Variants in FRMD1 observed in about 807,000 individuals in gnomAD.
The protein encoded by FRMD1 is FERM domain-containing protein 1.
In FRMD1, 51 loss-of-function variants were observed where a neutral mutation model predicts 54.9. The observed-to-expected ratio is 0.93, with a 90% CI of 0.74 to 1.17. The LOEUF is 1.17. Ranked by LOEUF, FRMD1 falls within the 50% of genes most tolerant of loss-of-function variation. The pLI, the probability that FRMD1 is intolerant of heterozygous loss-of-function variation, is 0.00. For missense variants in FRMD1, 729 were observed against 743.0 expected (o/e 0.98, Z 0.22); for synonymous variants, 324 against 306.4 (o/e 1.06, Z -0.60).
chr6:168,092,209 C>T (rs950489895), intron 1 of FRMD1, among the ~76,000 whole-genome samples: 2 of 152,252 alleles, frequency 1.3e-5, no homozygotes, highest in African/African-American at 4.8e-5. Context: ...CTTCCTTATT[C>T]ATCTATCATG....
At chr6:168,068,896 C>T (rs1800167104) in intron 2 of FRMD1, among the ~76,000 whole-genome samples, 1 of 152,248 alleles carries the variant, frequency 6.6e-6, no homozygotes, top group South Asian at 2.1e-4. Context: ...GGGTGCCTGG[C>T]TCAGCCCCTC....
chr6:168,090,994 C>A (rs1801006949), intron 1 of FRMD1, among the ~76,000 whole-genome samples: 1 of 152,208 alleles, frequency 6.6e-6, no homozygotes, highest in South Asian at 2.1e-4. Context: ...ACTGGCCACC[C>A]AAGCGGACTC....
upstream of FRMD1, among the ~76,000 whole-genome samples, chr6:168,085,552 T>C (rs941379928): frequency 2.6e-5 from 4 of 152,224 alleles, no homozygotes; most frequent in Admixed American, 6.5e-5. Flanking sequence ...GCCACTGGGC[T>C]CCAGGGGGTG....
chr6:168,074,770 G>C (rs1800494883), intron 2 of FRMD1, among the ~76,000 whole-genome samples: 2 of 129,036 alleles, frequency 1.5e-5, no homozygotes, highest in African/African-American at 5.9e-5. Flanking sequence ...GCATGCATGT[G>C]TACATGTGTG....
At chr6:168,075,722 G>A (rs776490983) in intron 1 of FRMD1, 34 of 1,526,930 alleles carry the variant, frequency 2.2e-5, no homozygotes, top group South Asian at 9.6e-5. Flanking sequence ...CCATGAGCGC[G>A]AGCATCGGTG....
intron 1 of FRMD1, among the ~76,000 whole-genome samples, chr6:168,086,782 C>T (rs111677415): frequency 5.4e-4 from 83 of 152,356 alleles, no homozygotes; most frequent in Middle Eastern, 6.8e-3. Context: ...CCTGTCTCCC[C>T]ACACTGGATG....
rs61741360 is a variant in FRMD1 at position 168,057,275 on chromosome 6, A to C, written c.1472T>G (p.Leu491Arg). The stretch of plus-strand genomic sequence containing the variant: ...CGCTGGGTGCAGGGCCAGCTGGTGC[A>C]GCTGCATGTCGTCCAGGCCATGGCT... Reference protein sequence around the residue: ...QHSHGLDDMQLHQLALHPAPT... With the variant: ...QHSHGLDDMQRHQLALHPAPT... The change falls in exon 11 of 11, where the codon CTG becomes CGG. Residue 491 changes from leucine to arginine, a missense_variant. By Grantham distance (102) the Leu-to-Arg change is moderately radical (BLOSUM62 -2). Coordinates refer to ENST00000283309, the MANE Select transcript of FRMD1 (RefSeq NM_024919.6). 7 of 1,612,312 alleles carry C rather than the reference A, an allele frequency of 4.3e-6. No individual in the cohort carries two copies. The highest frequency in any genetic ancestry group is 5.9e-6 in the Non-Finnish European group (7 of 1,179,652).
intron 4 of FRMD1, chr6:168,065,605 C>T: frequency 2.0e-6 from 2 of 986,686 alleles, no homozygotes; most frequent in Non-Finnish European, 1.2e-6. Flanking sequence ...TCCATCAACC[C>T]AACACTTTCC....
At chr6:168,067,498 G>T in intron 2 of FRMD1, 52 bp from the exon 3 acceptor site, 2 of 1,152,312 alleles carry the variant, frequency 1.7e-6, no homozygotes, top group Non-Finnish European at 2.6e-6. Flanking sequence ...CTTCTCAGGT[G>T]TCACCGTGTG....
In FRMD1 at chr6:168,064,953, GC is replaced by G. The variant is rs768026614; in HGVS notation, c.565del (p.Ala189ArgfsTer52). ...EEAYFLLAAC[A>X]LQADLGEHRE... The stretch of plus-strand genomic sequence containing the variant: ...GTGCTCGCCCAGGTCAGCCTGCAGC[GC>G]GCAGGCAGCCAGCAGGAAGTAGGCT... On this transcript the variant is annotated frameshift_variant, in exon 5 of 11. Coordinates refer to ENST00000283309, the MANE Select transcript of FRMD1 (RefSeq NM_024919.6). LOFTEE classifies it high-confidence loss of function. The G allele has an allele frequency of 8.1e-6, 13 of 1,611,474 alleles. No individual in the cohort carries two copies. The Admixed American group carries it at 2.2e-4, about 27-fold the overall frequency.
chr6:168,079,119 G>T lies in FRMD1; in HGVS notation c.-25C>A, dbSNP rs760410858. 1.9e-6 allele frequency: 3 copies of T among 1,568,720 alleles called. No individual in the cohort carries two copies. The Admixed American group carries it at 5.3e-5, about 28-fold the overall frequency. ...TGCTGTCGTTACTCGGCCCTCCCCC[G>T]CCATGGGTCGCAGGTGGGTGCTCAG... On this transcript the variant is annotated 5_prime_UTR_variant, in exon 1 of 11. Transcript: ENST00000283309.
intron 1 of FRMD1, chr6:168,075,827 G>C: frequency 6.5e-7 from 1 of 1,544,006 alleles, no homozygotes; most frequent in Non-Finnish European, 8.7e-7. Flanking sequence ...CCAGCGTCTG[G>C]TGCGTGTCCC....
upstream of FRMD1, among the ~76,000 whole-genome samples, chr6:168,080,566 A>C (rs1435373296): frequency 6.6e-6 from 1 of 152,290 alleles, no homozygotes; most frequent in African/African-American, 2.4e-5. Context: ...GCCTGGAGTC[A>C]CAGTGCCGGC....
chr6:168,069,939 C>T lies in FRMD1; in HGVS notation c.305-2493G>A, dbSNP rs9364392. On this transcript the variant is annotated intron_variant, in intron 2 of 10. Transcript: ENST00000283309. ...AGACATTCTTAAGATGAAGGCGACA[C>T]TCAGGCTGGGTGTGGTGGCTCATGC... 9.3e-4 allele frequency among the ~76,000 whole-genome samples: 141 copies of T among 152,262 alleles called. 1 individual carries two copies. In the East Asian group the frequency reaches 0.025, roughly 27 times the overall value.
At chr6:168,063,048 G>T in intron 6 of FRMD1, 89 bp from the exon 7 acceptor site, 1 of 1,110,862 alleles carries the variant, frequency 9.0e-7, no homozygotes. Flanking sequence ...GCTAGGGGCC[G>T]AGGGCTCCAT....
At chr6:168,090,818 A>G (rs1483642893) in intron 1 of FRMD1, among the ~76,000 whole-genome samples, 1 of 152,180 alleles carries the variant, frequency 6.6e-6, no homozygotes, top group East Asian at 1.9e-4. Context: ...CGGTGCTTCC[A>G]TGTGATTCTC....
intron 6 of FRMD1, 108 bp from the exon 7 acceptor site, chr6:168,063,067 C>T (rs2114968779): frequency 1.1e-6 from 1 of 902,246 alleles, no homozygotes; most frequent in Middle Eastern, 2.2e-4. Flanking sequence ...ATGGACCAGG[C>T]TGAGCTCTGG....
At chr6:168,065,739 CT>C in intron 4 of FRMD1, 1 of 988,866 alleles carries the variant, frequency 1.0e-6, no homozygotes. Context: ...ACACCTTTCA[CT>C]CTCCAGAACC....
Position 168,059,187 on chromosome 6 carries a change from G to A in FRMD1, c.1344C>T (p.Ala448=), listed in dbSNP as rs765935791. 1.6e-5 allele frequency: 26 copies of A among 1,583,296 alleles called. No individual in the cohort carries two copies. The highest frequency in any genetic ancestry group is 1.8e-4 in the Middle Eastern group (1 of 5,558). Reference sequence around the variant, plus strand: ...CCTGGGTGCAGGGCTCCTGACGAGTGGCTGTGGGAGGAGGCAGCCGTGAGC... The same window carrying A: ...CCTGGGTGCAGGGCTCCTGACGAGTAGCTGTGGGAGGAGGCAGCCGTGAGC... ...SHPSTRGDSQ[A]TRQEPCTQVR... is the part of the protein sequence containing the mutation. Residue 448 remains alanine (A), a splice_region_variant and synonymous_variant, in exon 10 of 11, where the codon GCC becomes GCT. Coordinates refer to ENST00000283309, the MANE Select transcript of FRMD1 (RefSeq NM_024919.6). This position sits in a 1 kb window ranked among gnomAD's most constrained non-coding sequence, Gnocchi z 4.4.
Sources: gnomAD v4.1 joint callset for allele counts (sites outside exome capture counted in the v4.1 genomes callset) on GRCh38, gnomAD v4.1.1 for gene constraint, Gnocchi (gnomAD v3.1) non-coding constraint, MANE v1.5 for transcripts, NCBI Gene and HGNC (gene_info 2026-07-23, HGNC 2026-07-21) for gene names.